PRTG: variants seen among roughly 807,000 people sequenced by gnomAD.
PRTG encodes protogenin.
PRTG carries 67 observed loss-of-function variants against 122.5 expected under a neutral mutation model. That is an observed-to-expected ratio of 0.55 (90% confidence interval 0.45 to 0.67). The LOEUF is 0.67. Ranked by LOEUF, PRTG falls within the 30% of genes least tolerant of loss-of-function variation. The pLI is 0.00. For synonymous variants in PRTG, 554 were observed against 501.1 expected (o/e 1.11, Z -1.41); for missense variants, 1,435 against 1,415.4 (o/e 1.01, Z -0.22).
chr15:55,626,314 C>G (rs190153631), intron 17 of PRTG, among the ~76,000 whole-genome samples: 1 of 151,154 alleles, frequency 6.6e-6, no homozygotes, highest in East Asian at 2.0e-4. Context: ...GAGGCTGCAG[C>G]AGGAGAATGG....
At chr15:55,731,362 CA>C (rs1567118720) in intron 2 of PRTG, among the ~76,000 whole-genome samples, 71 of 128,890 alleles carry the variant, frequency 5.5e-4, no homozygotes, top group African/African-American at 2.3e-3. Flanking sequence ...TACACCTTAT[CA>C]TTCTTTTTTT....
intron 2 of PRTG, among the ~76,000 whole-genome samples, chr15:55,723,613 G>C (rs1428999446): frequency 1.3e-5 from 2 of 152,044 alleles, no homozygotes; most frequent in Non-Finnish European, 2.9e-5. Flanking sequence ...CAAATTAAAA[G>C]AGATCCACAT....
At chr15:55,656,181 T>C (rs1394820181) in intron 11 of PRTG, 2 of 287,728 alleles carry the variant, frequency 7.0e-6, no homozygotes, top group Admixed American at 4.9e-5. Flanking sequence ...TAATGTTCTT[T>C]ATAACTGCTT....
At chr15:55,622,311 G>A (rs1404001115) in intron 18 of PRTG, among the ~76,000 whole-genome samples, 2 of 145,096 alleles carry the variant, frequency 1.4e-5, no homozygotes, top group African/African-American at 2.5e-5. Context: ...TCTGCCACCT[G>A]GGTTCAAGCA....
chr15:55,702,688 A>C (rs1428448799), intron 2 of PRTG, among the ~76,000 whole-genome samples: 1 of 152,226 alleles, frequency 6.6e-6, no homozygotes, highest in Non-Finnish European at 1.5e-5. Flanking sequence ...GGAGCCAGAA[A>C]CCTAGAGCCC....
At position 55,709,404 on chromosome 15, in the gene PRTG, G is replaced by A. The variant is rs190813077; in HGVS notation, c.398-25473C>T. ...ATATATATATAGAGAGAGAGAGCGC[G>A]TGAGAGAGTGTGTTCAATCCATTTA... is the stretch of plus-strand genomic sequence containing the variant. On this transcript the variant is annotated intron_variant, in intron 2 of 19. Coordinates refer to ENST00000389286, the MANE Select transcript of PRTG (RefSeq NM_173814.6). 1.0e-3 allele frequency among the ~76,000 whole-genome samples: 151 copies of A among 148,770 alleles called. 2 individuals are homozygous for A. The highest frequency in any genetic ancestry group is 2.6e-3 in the African/African-American group (108 of 40,852).
chr15:55,729,383 A>G (rs1295131648), intron 2 of PRTG, among the ~76,000 whole-genome samples: 2 of 152,116 alleles, frequency 1.3e-5, no homozygotes, highest in East Asian at 3.9e-4. Context: ...AGTGACTGCT[A>G]TCGAACACAG....
intron 1 of PRTG, 78 bp downstream of exon 1, chr15:55,742,760 C>G (rs1020823186): frequency 1.4e-5 from 21 of 1,511,730 alleles, no homozygotes; most frequent in Middle Eastern, 2.2e-4. Flanking sequence ...CACGCCCCAT[C>G]GTTTCCTCTT....
At position 55,715,917 on chromosome 15, in the gene PRTG, A is replaced by C. The variant is rs150751703; in HGVS notation, c.397+24465T>G. Among the ~76,000 whole-genome samples, 719 of 152,340 alleles carry C rather than the reference A, an allele frequency of 4.7e-3. 8 individuals carry two copies. The highest frequency in any genetic ancestry group is 0.016 in the African/African-American group (670 of 41,580). ...TTCTGAATTGGCACCAGTTGGAGAAAGGGGCAAAGGTAGACTATTCAATAA... is the reference window on the plus strand; with the variant it reads ...TTCTGAATTGGCACCAGTTGGAGAACGGGGCAAAGGTAGACTATTCAATAA... On this transcript the variant is annotated intron_variant, in intron 2 of 19. Coordinates refer to ENST00000389286, the MANE Select transcript of PRTG (RefSeq NM_173814.6).
chr15:55,658,779 A>G (rs1056558218), intron 11 of PRTG, among the ~76,000 whole-genome samples: 1 of 152,144 alleles, frequency 6.6e-6, no homozygotes, highest in East Asian at 1.9e-4. Flanking sequence ...TTAACCCTAA[A>G]TTCCTAATAC....
chr15:55,730,450 C>T (rs1280509438), intron 2 of PRTG, among the ~76,000 whole-genome samples: 1 of 150,830 alleles, frequency 6.6e-6, no homozygotes, highest in Non-Finnish European at 1.5e-5. Flanking sequence ...TATTTGAATA[C>T]AAAAAGATAC....
intron 17 of PRTG, among the ~76,000 whole-genome samples, 158 bp downstream of exon 17, chr15:55,626,850 A>C (rs1022280628): frequency 6.6e-6 from 1 of 152,218 alleles, no homozygotes; most frequent in Admixed American, 6.5e-5. Flanking sequence ...AAATGAGCAC[A>C]TTTCTATAGC....
In PRTG at chr15:55,628,964, T is replaced by C. The variant is rs370914857; in HGVS notation, c.2664A>G (p.Gly888=). The C allele has an allele frequency of 6.2e-7, 1 of 1,612,442 alleles. No homozygotes were observed. The highest frequency in any genetic ancestry group is 8.5e-7 in the Non-Finnish European group (1 of 1,178,980). Residue 888 remains glycine, a synonymous_variant, in exon 16 of 20, where the codon GGA becomes GGG. Transcript: ENST00000389286. Reference sequence around the variant, plus strand: ...CAGATATCTTGACAATGTACACATTTCCTGCTACCAAGTTTTCTAGCAAAG... The same window carrying C: ...CAGATATCTTGACAATGTACACATTCCCTGCTACCAAGTTTTCTAGCAAAG... The part of the protein sequence containing the change: ...TMALLENLVA[G]NVYIVKISAS...
intron 2 of PRTG, among the ~76,000 whole-genome samples, chr15:55,731,653 G>A (rs1246623006): frequency 6.6e-6 from 1 of 152,184 alleles, no homozygotes; most frequent in African/African-American, 2.4e-5. Context: ...ACAGGCGTGA[G>A]CCACCATGCC....
chr15:55,719,227 T>A lies in PRTG; in HGVS notation c.397+21155A>T, dbSNP rs77976195. 2.8e-3 allele frequency among the ~76,000 whole-genome samples: 427 copies of A among 152,292 alleles called. 2 individuals are homozygous for A. Among genetic ancestry groups the A allele is most frequent in the African/African-American group, 9.8e-3 (406 of 41,560 alleles). On this transcript the variant is annotated intron_variant, in intron 2 of 19. Transcript: ENST00000389286. ...TTTTCATTGTCCTAATTGATTTTAC[T>A]AAAATATTTCTGATATTTACAAGTT... is the stretch of plus-strand genomic sequence containing the variant.
chr15:55,701,431 G>A (rs1428101575), intron 2 of PRTG, among the ~76,000 whole-genome samples: 1 of 152,054 alleles, frequency 6.6e-6, no homozygotes, highest in African/African-American at 2.4e-5. Flanking sequence ...CTACTTGGGA[G>A]GCTGAGACAG....
chr15:55,691,484 C>T (rs2059601452), intron 2 of PRTG, among the ~76,000 whole-genome samples: 1 of 151,700 alleles, frequency 6.6e-6, no homozygotes. Context: ...AAATCAAAAC[C>T]ATCCTGACCA....
At chr15:55,687,339 A>G (rs959364200) in intron 2 of PRTG, among the ~76,000 whole-genome samples, 3 of 152,182 alleles carry the variant, frequency 2.0e-5, no homozygotes, top group African/African-American at 7.2e-5. Flanking sequence ...GGATTTTTAT[A>G]AAGATTAAAC....
chr15:55,672,710 C>A, intron 10 of PRTG, 77 bp from the exon 11 acceptor site: 1 of 1,055,712 alleles, frequency 9.5e-7, no homozygotes, highest in South Asian at 2.2e-5. Flanking sequence ...GTAGTTCTCT[C>A]AGTTTTAAGC....
Sources: gnomAD v4.1 joint callset for allele counts (sites outside exome capture counted in the v4.1 genomes callset) on GRCh38, gnomAD v4.1.1 for gene constraint, MANE v1.5 for transcripts, NCBI Gene and HGNC (gene_info 2026-07-23, HGNC 2026-07-21) for gene names.